The following TMTC2 variants were observed in gnomAD, a reference collection of about 807,000 sequenced individuals.
TMTC2 encodes the protein protein O-mannosyl-transferase TMTC2.
TMTC2 carries 43 observed loss-of-function variants against 82.4 expected under a neutral mutation model. That is an observed-to-expected ratio of 0.52 (90% CI 0.41 to 0.67). The LOEUF (loss-of-function observed/expected upper bound fraction) is 0.67. TMTC2 is among the 30% of genes least tolerant of loss of function. The pLI is 0.00. For missense variants in TMTC2, 919 were observed against 1,012.4 expected (o/e 0.91, Z 1.25); for synonymous variants, 408 against 381.9 (o/e 1.07, Z -0.80).
intron 10 of TMTC2, among the ~76,000 whole-genome samples, chr12:83,056,562 G>GA (rs963916836): frequency 3.3e-5 from 5 of 151,484 alleles, no homozygotes; most frequent in Admixed American, 1.3e-4. Flanking sequence ...TCTTAAATGA[G>GA]AAAAAAAACA....
chr12:82,775,856 C>A (rs938784844), intron 1 of TMTC2, among the ~76,000 whole-genome samples: 3 of 151,878 alleles, frequency 2.0e-5, no homozygotes, highest in African/African-American at 7.3e-5. Context: ...TTTTATGCTT[C>A]GTTTGATTTT....
chr12:82,801,828 A>G (rs1879020513), intron 1 of TMTC2, among the ~76,000 whole-genome samples: 1 of 152,102 alleles, frequency 6.6e-6, no homozygotes, highest in African/African-American at 2.4e-5. Flanking sequence ...TGCATTCACA[A>G]ACCCTGAGCT....
intron 7 of TMTC2, among the ~76,000 whole-genome samples, chr12:82,975,078 G>A (rs976368144): frequency 2.0e-5 from 3 of 152,062 alleles, no homozygotes; most frequent in Non-Finnish European, 4.4e-5. Context: ...GAGAACAGGA[G>A]GAGTTCAGAA....
chr12:82,915,965 A>C (rs1874977069), intron 3 of TMTC2, among the ~76,000 whole-genome samples: 1 of 152,248 alleles, frequency 6.6e-6, no homozygotes, highest in Non-Finnish European at 1.5e-5. Context: ...AGGCCAAGGC[A>C]GGAGGATTGT....
intron 1 of TMTC2, among the ~76,000 whole-genome samples, chr12:82,742,810 C>T (rs779705434): frequency 5.9e-5 from 9 of 152,204 alleles, no homozygotes; most frequent in Non-Finnish European, 1.0e-4. Context: ...AGGCGTGAGC[C>T]TCCGCTTCCA....
intron 10 of TMTC2, among the ~76,000 whole-genome samples, chr12:83,055,230 T>C (rs1227949587): frequency 1.3e-5 from 2 of 152,070 alleles, no homozygotes; most frequent in Non-Finnish European, 2.9e-5. Flanking sequence ...AGTCCTGTGC[T>C]AAACGAAAGT....
chr12:82,951,775 G>A lies in TMTC2; in HGVS notation c.1599-13249G>A, dbSNP rs540127904. ...GTGTTAAGCATTTTTCTAATAACTC[G>A]AAAGTACGTGTTTTAAAGAAAGTCG... is the stretch of plus-strand genomic sequence containing the variant. On this transcript the variant is annotated intron_variant, in intron 4 of 11. Transcript: ENST00000321196. Among the ~76,000 whole-genome samples the A allele has an allele frequency of 4.6e-5, 7 of 152,144 alleles. No individual in the cohort carries two copies. In the South Asian group the frequency reaches 1.2e-3, roughly 27 times the overall value.
intron 1 of TMTC2, among the ~76,000 whole-genome samples, chr12:82,719,085 A>ATATATATATATATATTTTTT (rs1282211374): frequency 2.4e-5 from 1 of 41,406 alleles, no homozygotes; most frequent in Non-Finnish European, 3.8e-5. Flanking sequence ...ATATATATAT[A>ATATATATATATATATTTTTT]TTTTTTTTTT....
chr12:83,093,232 A>G (rs1883902159), intron 11 of TMTC2, among the ~76,000 whole-genome samples: 1 of 152,234 alleles, frequency 6.6e-6, no homozygotes, highest in Non-Finnish European at 1.5e-5. Flanking sequence ...TCTTTCACAC[A>G]TAAGATGCAC....
At chr12:82,762,053 G>A (rs1360833269) in intron 1 of TMTC2, among the ~76,000 whole-genome samples, 36 of 133,426 alleles carry the variant, frequency 2.7e-4, no homozygotes, top group Admixed American at 1.7e-4. Flanking sequence ...TGCAACCTCC[G>A]CCTCCTGGGT....
chr12:82,727,758 G>A (rs973742923), intron 1 of TMTC2, among the ~76,000 whole-genome samples: 1 of 151,434 alleles, frequency 6.6e-6, no homozygotes, highest in Non-Finnish European at 1.5e-5. Context: ...ACTTTCACCT[G>A]GAAACCTGGG....
Position 83,118,794 on chromosome 12 carries a change from C to CT in TMTC2, c.2332-13409dup, listed in dbSNP as rs553399278. ...TGATGTGAATTCATCTGGACCTGGA[C>CT]TTTTTTTGTCAGTAATTAATTATAA... On this transcript the variant is annotated intron_variant, in intron 11 of 11. Coordinates refer to ENST00000321196, the MANE Select transcript of TMTC2 (RefSeq NM_152588.3). Among the ~76,000 whole-genome samples, 10 of 151,978 alleles carry CT rather than the reference C, an allele frequency of 6.6e-5. No individual in the cohort carries two copies. The East Asian group carries it at 1.4e-3, about 21-fold the overall frequency.
At chr12:83,090,042 T>C (rs1883793117) in intron 11 of TMTC2, among the ~76,000 whole-genome samples, 1 of 152,174 alleles carries the variant, frequency 6.6e-6, no homozygotes, top group African/African-American at 2.4e-5. Context: ...TTTTTCTGTC[T>C]TTATTTTCAC....
chr12:82,756,075 T>C (rs1876307712), intron 1 of TMTC2, among the ~76,000 whole-genome samples: 1 of 152,208 alleles, frequency 6.6e-6, no homozygotes, highest in African/African-American at 2.4e-5. Flanking sequence ...TAGTTACCTG[T>C]TCTTTGAATG....
intron 3 of TMTC2, among the ~76,000 whole-genome samples, chr12:82,906,864 A>T (rs1208891144): frequency 6.6e-6 from 1 of 152,160 alleles, no homozygotes; most frequent in Non-Finnish European, 1.5e-5. Flanking sequence ...CATCCCACCA[A>T]TAAAGGCTGA....
intron 1 of TMTC2, among the ~76,000 whole-genome samples, chr12:82,780,394 A>C (rs147782422): frequency 1.3e-5 from 2 of 152,198 alleles, no homozygotes; most frequent in African/African-American, 4.8e-5. Flanking sequence ...TAACTTCCCT[A>C]AAATATCAGA....
intron 1 of TMTC2, among the ~76,000 whole-genome samples, chr12:82,856,790 C>T (rs1871276511): frequency 6.6e-6 from 1 of 152,036 alleles, no homozygotes; most frequent in South Asian, 2.1e-4. Flanking sequence ...ACTTGCATTT[C>T]AACAAGGAAG....
intron 9 of TMTC2, among the ~76,000 whole-genome samples, chr12:83,049,649 A>G (rs188680547): frequency 2.6e-5 from 4 of 152,280 alleles, no homozygotes; most frequent in Admixed American, 6.5e-5. Context: ...CTATGATAGA[A>G]CGATTTCTAT....
chr12:82,816,999 C>T (rs1284159930), intron 1 of TMTC2, among the ~76,000 whole-genome samples: 1 of 146,820 alleles, frequency 6.8e-6, no homozygotes, highest in Non-Finnish European at 1.5e-5. Context: ...TGGAGTTTCA[C>T]TCTTGTCGCC....
Sources: gnomAD v4.1 joint callset for allele counts (sites outside exome capture counted in the v4.1 genomes callset) on GRCh38, gnomAD v4.1.1 for gene constraint, MANE v1.5 for transcripts, NCBI Gene and HGNC (gene_info 2026-07-23, HGNC 2026-07-21) for gene names.